Variants in CNTNAP2 observed in about 807,000 individuals in gnomAD.
CNTNAP2 encodes contactin associated protein 2, also known as contactin-associated protein-like 2.
Under a neutral mutation model 155.2 loss-of-function variants are expected in CNTNAP2, and 98 were observed. The observed-to-expected ratio is 0.63, with a 90% CI of 0.54 to 0.75. The LOEUF (loss-of-function observed/expected upper bound fraction) is 0.75, where lower values mean the gene tolerates loss of function less well. Ranked by LOEUF, CNTNAP2 falls within the 30% of genes least tolerant of loss-of-function variation. The pLI, the probability that CNTNAP2 is intolerant of heterozygous loss-of-function variation, is 0.00. For missense variants in CNTNAP2, 1,727 were observed against 1,688.1 expected (o/e 1.02, Z -0.40); for synonymous variants, 651 against 631.2 (o/e 1.03, Z -0.47).
rs1794905487 is a variant in CNTNAP2 at position 146,350,964 on chromosome 7, G to A, written c.97+233991G>A. The stretch of plus-strand genomic sequence containing the variant: ...AAACACCGCATGTTCTCACTCATAG[G>A]TGGAAATTGAACAATGAGAGCACAT... On this transcript the variant is annotated intron_variant, in intron 1 of 23. Transcript: ENST00000361727. Among the ~76,000 whole-genome samples, 3 of 146,270 alleles carry A rather than the reference G, an allele frequency of 2.1e-5. 1 individual carries two copies. The highest frequency in any genetic ancestry group is 7.6e-5 in the African/African-American group (3 of 39,518).
chr7:146,552,198 C>T (rs1798133174), intron 1 of CNTNAP2, among the ~76,000 whole-genome samples: 1 of 152,036 alleles, frequency 6.6e-6, no homozygotes, highest in Non-Finnish European at 1.5e-5. Context: ...ATAAAGTTTT[C>T]TTCCCACACG....
chr7:146,483,592 G>A, intron 1 of CNTNAP2, among the ~76,000 whole-genome samples: 1 of 149,946 alleles, frequency 6.7e-6, no homozygotes, highest in Admixed American at 6.7e-5. Flanking sequence ...CTTAAAAATA[G>A]TTTATAGATA....
chr7:146,904,315 C>T (rs1297790194), intron 3 of CNTNAP2, among the ~76,000 whole-genome samples: 1 of 152,124 alleles, frequency 6.6e-6, no homozygotes, highest in African/African-American at 2.4e-5. Context: ...TCCCTGAAGA[C>T]CCTCTATAGA....
At chr7:146,754,726 G>A (rs1301488521) in intron 1 of CNTNAP2, among the ~76,000 whole-genome samples, 4 of 151,922 alleles carry the variant, frequency 2.6e-5, no homozygotes, top group East Asian at 1.9e-4. Context: ...GTGTTGTCAG[G>A]GGTTAGGAAA....
At chr7:147,547,702 C>T (rs1191245470) in intron 11 of CNTNAP2, among the ~76,000 whole-genome samples, 1 of 151,822 alleles carries the variant, frequency 6.6e-6, no homozygotes, top group African/African-American at 2.4e-5. Context: ...CATAGGTCTA[C>T]GTGTGCCATG....
chr7:147,458,317 G>T (rs1258277027), intron 10 of CNTNAP2, among the ~76,000 whole-genome samples: 1 of 151,908 alleles, frequency 6.6e-6, no homozygotes, highest in Non-Finnish European at 1.5e-5. Flanking sequence ...TTGTCCTTAT[G>T]TCCAATTTCA....
At chr7:146,175,126 G>A (rs1798451554) in intron 1 of CNTNAP2, among the ~76,000 whole-genome samples, 2 of 152,126 alleles carry the variant, frequency 1.3e-5, no homozygotes, top group African/African-American at 2.4e-5. Flanking sequence ...TATCCAGATT[G>A]TTAAGGAAGA....
At chr7:146,604,323 A>G (rs1799004825) in intron 1 of CNTNAP2, among the ~76,000 whole-genome samples, 2 of 123,998 alleles carry the variant, frequency 1.6e-5, no homozygotes, top group African/African-American at 3.4e-5. Context: ...ACATGAAAAA[A>G]TGCTCATCAT....
intron 8 of CNTNAP2, among the ~76,000 whole-genome samples, chr7:147,265,051 T>A (rs1011294030): frequency 3.3e-5 from 5 of 152,146 alleles, no homozygotes; most frequent in African/African-American, 7.2e-5. Flanking sequence ...GAGACCCAGG[T>A]CACCCTTAGC....
intron 8 of CNTNAP2, among the ~76,000 whole-genome samples, chr7:147,236,447 T>G (rs1459568016): frequency 6.6e-6 from 1 of 151,984 alleles, no homozygotes; most frequent in African/African-American, 2.4e-5. Context: ...CAGTCTATCC[T>G]CCTTTAAACA....
At chr7:146,418,978 C>T (rs1010387034) in intron 1 of CNTNAP2, among the ~76,000 whole-genome samples, 5 of 152,194 alleles carry the variant, frequency 3.3e-5, no homozygotes, top group Non-Finnish European at 4.4e-5. Flanking sequence ...GCCTTGTTGA[C>T]GCCTTAATTT....
intron 3 of CNTNAP2, among the ~76,000 whole-genome samples, chr7:146,960,077 C>T (rs1797525124): frequency 6.6e-6 from 1 of 152,166 alleles, no homozygotes; most frequent in Non-Finnish European, 1.5e-5. Context: ...TCTCGCCAGT[C>T]TTGCAGGCCA....
intron 14 of CNTNAP2, among the ~76,000 whole-genome samples, chr7:147,934,474 C>G (rs3902778): frequency 0.029 from 4,371 of 152,212 alleles, 210 homozygotes; most frequent in African/African-American, 0.099. Flanking sequence ...AGACCTGCCC[C>G]CATGATTGAA....
At chr7:146,599,944 A>G (rs1297074379) in intron 1 of CNTNAP2, among the ~76,000 whole-genome samples, 1 of 152,080 alleles carries the variant, frequency 6.6e-6, no homozygotes, top group African/African-American at 2.4e-5. Context: ...AGAGATTTAT[A>G]TTTCCCGTTA....
chr7:146,816,205 G>T (rs541302258), intron 2 of CNTNAP2, among the ~76,000 whole-genome samples: 1 of 152,124 alleles, frequency 6.6e-6, no homozygotes, highest in African/African-American at 2.4e-5. Flanking sequence ...TATATGTCTG[G>T]TACTCATGGT....
chr7:147,496,723 T>A (rs4725743), intron 11 of CNTNAP2: 46,002 of 152,030 alleles, frequency 0.3, 7,122 homozygotes, highest in East Asian at 0.43. Context: ...TCAGTGAGGA[T>A]TCTCTTGATT....
intron 3 of CNTNAP2, among the ~76,000 whole-genome samples, chr7:146,954,139 G>A (rs1014627035): frequency 1.2e-4 from 18 of 151,844 alleles, no homozygotes; most frequent in Non-Finnish European, 2.1e-4. Context: ...TTTATTTCTT[G>A]CATTTATATG....
chr7:148,137,435 G>A (rs1032505120), intron 16 of CNTNAP2, among the ~76,000 whole-genome samples: 3 of 152,160 alleles, frequency 2.0e-5, no homozygotes, highest in African/African-American at 4.8e-5. Flanking sequence ...TGAGGCGGGT[G>A]GATCACCTGA....
At chr7:146,258,317 G>T (rs1308571860) in intron 1 of CNTNAP2, among the ~76,000 whole-genome samples, 1 of 151,996 alleles carries the variant, frequency 6.6e-6, no homozygotes, top group African/African-American at 2.4e-5. Context: ...TCATGTATGT[G>T]CCTGGATACT....
Sources: gnomAD v4.1 joint callset for allele counts (sites outside exome capture counted in the v4.1 genomes callset) on GRCh38, gnomAD v4.1.1 for gene constraint, MANE v1.5 for transcripts, NCBI Gene and HGNC (gene_info 2026-07-23, HGNC 2026-07-21) for gene names.